MAGI2: variants seen among roughly 807,000 people sequenced by gnomAD.
MAGI2 encodes the protein membrane-associated guanylate kinase, WW and PDZ domain-containing protein 2.
Under a neutral mutation model 133.3 loss-of-function variants are expected in MAGI2, and 35 were observed. The observed-to-expected ratio is 0.26, with a 90% CI of 0.20 to 0.35. The LOEUF (loss-of-function observed/expected upper bound fraction) is 0.35. MAGI2 is among the 10% of genes least tolerant of loss of function. MAGI2 has a pLI of 1.00. For synonymous variants in MAGI2, 729 were observed against 710.6 expected, an observed-to-expected ratio of 1.03 and a Z score of -0.41; for missense variants, 1,636 against 1,863.4, an observed-to-expected ratio of 0.88 and a Z score of 2.25.
At chr7:78,337,927 A>ATCCAG (rs1282554550) in intron 9 of MAGI2, among the ~76,000 whole-genome samples, 1 of 95,516 alleles carries the variant, frequency 1.0e-5, no homozygotes, top group African/African-American at 4.3e-5. Context: ...CATCCATCCA[A>ATCCAG]GAAGTACTTA....
chr7:78,232,840 G>T (rs889807640), intron 10 of MAGI2, among the ~76,000 whole-genome samples: 1 of 152,152 alleles, frequency 6.6e-6, no homozygotes, highest in African/African-American at 2.4e-5. Context: ...GAAATACTTT[G>T]CAATGACAAA....
intron 2 of MAGI2, among the ~76,000 whole-genome samples, chr7:78,920,315 G>T (rs1799130253): frequency 6.6e-6 from 1 of 152,034 alleles, no homozygotes; most frequent in African/African-American, 2.4e-5. Context: ...GTGATTGTTA[G>T]GATTAAATCA....
At chr7:79,232,405 T>C (rs1303621518) in intron 1 of MAGI2, among the ~76,000 whole-genome samples, 1 of 143,670 alleles carries the variant, frequency 7.0e-6, no homozygotes, top group Non-Finnish European at 1.5e-5. Context: ...AGAATTCGGC[T>C]GTGAATCCAT....
intron 1 of MAGI2, among the ~76,000 whole-genome samples, chr7:79,225,990 G>T (rs899971496): frequency 6.6e-6 from 1 of 152,154 alleles, no homozygotes; most frequent in Non-Finnish European, 1.5e-5. Context: ...AGGTGTAAGA[G>T]TTGTATACCA....
intron 2 of MAGI2, among the ~76,000 whole-genome samples, chr7:78,714,519 G>A (rs970669569): frequency 6.6e-6 from 1 of 152,082 alleles, no homozygotes; most frequent in Non-Finnish European, 1.5e-5. Context: ...TCACATATAG[G>A]CAACAACGAG....
At position 78,679,717 on chromosome 7, in the gene MAGI2, G is replaced by A. The variant is rs373318910; in HGVS notation, c.419-52478C>T. Among the ~76,000 whole-genome samples the A allele has an allele frequency of 3.3e-4, 51 of 152,268 alleles. 1 individual carries two copies. Among genetic ancestry groups the A allele is most frequent in the African/African-American group, 1.0e-3 (43 of 41,564 alleles). ...AGACAGGTCGGAGGAAGCACCTGCA[G>A]CAGTGTGAAATAATGTCACGGAACC... On this transcript the variant is annotated intron_variant, in intron 2 of 21. Transcript: ENST00000354212.
chr7:78,222,159 T>C (rs761796424), intron 10 of MAGI2, among the ~76,000 whole-genome samples: 1 of 152,116 alleles, frequency 6.6e-6, no homozygotes, highest in Non-Finnish European at 1.5e-5. Context: ...TCATTCTGTG[T>C]CTTCTTACAC....
intron 7 of MAGI2, among the ~76,000 whole-genome samples, chr7:78,354,931 T>C (rs556952589): frequency 2.0e-5 from 3 of 152,238 alleles, no homozygotes; most frequent in Admixed American, 6.5e-5. Flanking sequence ...TCTGGGAAGA[T>C]AGAAGAGGTA....
At chr7:79,283,246 TG>T (rs1453966538) in intron 1 of MAGI2, among the ~76,000 whole-genome samples, 3 of 152,218 alleles carry the variant, frequency 2.0e-5, no homozygotes, top group African/African-American at 7.2e-5. Context: ...CATTTGGAGG[TG>T]TAAATGTCAC....
At chr7:78,166,417 T>A (rs895441583) in intron 15 of MAGI2, among the ~76,000 whole-genome samples, 39 of 152,110 alleles carry the variant, frequency 2.6e-4, no homozygotes, top group Admixed American at 1.4e-3. Context: ...AGCACTGTCT[T>A]CCTCCTGGCA....
chr7:78,314,070 T>C (rs1275535205), intron 9 of MAGI2, among the ~76,000 whole-genome samples: 1 of 152,176 alleles, frequency 6.6e-6, no homozygotes, highest in East Asian at 1.9e-4. Flanking sequence ...CTGTACGATT[T>C]ATCATGGAGC....
At chr7:79,354,585 G>A (rs1404436058) in intron 1 of MAGI2, among the ~76,000 whole-genome samples, 1 of 152,110 alleles carries the variant, frequency 6.6e-6, no homozygotes, top group Admixed American at 6.5e-5. Flanking sequence ...AGATAGAGAG[G>A]AATCTTGTGG....
In MAGI2 at chr7:78,054,109, A is replaced by G. The variant is rs150614452; in HGVS notation, c.3706+24838T>C. On this transcript the variant is annotated intron_variant, in intron 21 of 21. Transcript: ENST00000354212. Reference sequence around the variant, plus strand: ...TTCTCAAAATGGACTCACTTTACACAGCAATACACATATTTTATTTTATTT... The same window carrying G: ...TTCTCAAAATGGACTCACTTTACACGGCAATACACATATTTTATTTTATTT... Among the ~76,000 whole-genome samples the G allele has an allele frequency of 4.9e-4, 74 of 152,212 alleles. 1 individual carries two copies. The highest frequency in any genetic ancestry group is 1.6e-3 in the African/African-American group (67 of 41,514).
chr7:79,315,742 C>A (rs1010283735), intron 1 of MAGI2, among the ~76,000 whole-genome samples: 9 of 152,066 alleles, frequency 5.9e-5, no homozygotes, highest in Admixed American at 2.0e-4. Flanking sequence ...AGTCCAGTAA[C>A]TCTGGGCAAA....
rs74523583 is a variant in MAGI2, at chr7:78,257,409, A to C, written c.1409-828T>G. ...TTCAAACAGAAAGTTGCCACAGTTC[A>C]TCCTCTGATCTTAGATAAACTAATA... On this transcript the variant is annotated intron_variant, in intron 9 of 21. Coordinates refer to ENST00000354212, the MANE Select transcript of MAGI2 (RefSeq NM_012301.4). Among the ~76,000 whole-genome samples, 837 of 152,294 alleles carry C rather than the reference A, an allele frequency of 5.5e-3. 5 individuals are homozygous for C. The highest frequency in any genetic ancestry group is 0.019 in the African/African-American group (786 of 41,562).
chr7:78,422,330 T>C (rs79273805), intron 6 of MAGI2, among the ~76,000 whole-genome samples: 2,292 of 152,298 alleles, frequency 0.015, 56 homozygotes, highest in African/African-American at 0.051. Flanking sequence ...TACTGTATTG[T>C]ACACTTAAAA....
chr7:78,677,478 G>A (rs986406222), intron 2 of MAGI2, among the ~76,000 whole-genome samples: 13 of 151,204 alleles, frequency 8.6e-5, no homozygotes, highest in Admixed American at 7.9e-4. Flanking sequence ...TATAAGAATG[G>A]TACTTAAAGT....
intron 9 of MAGI2, among the ~76,000 whole-genome samples, chr7:78,292,000 G>T (rs1253955971): frequency 2.6e-5 from 4 of 152,136 alleles, no homozygotes; most frequent in Non-Finnish European, 5.9e-5. Context: ...AAAACTGGAA[G>T]CATTCCCTTT....
chr7:78,773,609 G>A (rs1825758187), intron 2 of MAGI2, among the ~76,000 whole-genome samples: 1 of 152,166 alleles, frequency 6.6e-6, no homozygotes, highest in Non-Finnish European at 1.5e-5. Context: ...TTGGTACAAA[G>A]TGCTATGGAG....
Sources: gnomAD v4.1 joint callset for allele counts (sites outside exome capture counted in the v4.1 genomes callset) on GRCh38, gnomAD v4.1.1 for gene constraint, MANE v1.5 for transcripts, NCBI Gene and HGNC (gene_info 2026-07-23, HGNC 2026-07-21) for gene names.